Variants in ARHGEF10L observed in about 807,000 individuals in gnomAD.
ARHGEF10L encodes Rho guanine nucleotide exchange factor 10 like, also known as rho guanine nucleotide exchange factor 10-like protein.
A neutral mutation model predicts 141.2 loss-of-function variants in ARHGEF10L; 69 were observed. That is an observed-to-expected ratio of 0.49 (90% confidence interval 0.40 to 0.60). The LOEUF (loss-of-function observed/expected upper bound fraction) is 0.60. Ranked by LOEUF, ARHGEF10L falls within the 20% of genes least tolerant of loss-of-function variation. ARHGEF10L has a pLI of 0.00. For synonymous variants in ARHGEF10L, 711 were observed against 718.5 expected, an observed-to-expected ratio of 0.99 and a Z score of 0.17; for missense variants, 1,482 against 1,734.3, an observed-to-expected ratio of 0.85 and a Z score of 2.58.
At chr1:17,695,600 G>C (rs1264404934) in intron 28 of ARHGEF10L, among the ~76,000 whole-genome samples, 1 of 152,226 alleles carries the variant, frequency 6.6e-6, no homozygotes, top group African/African-American at 2.4e-5. Flanking sequence ...AGATGTCCAG[G>C]CTCCAGAGAA....
chr1:17,573,957 C>G lies in ARHGEF10L; in HGVS notation c.-43-6596C>G, dbSNP rs1187421232. On this transcript the variant is annotated intron_variant, in intron 1 of 28. Coordinates refer to ENST00000361221, the MANE Select transcript of ARHGEF10L (RefSeq NM_018125.4). The surrounding 1 kb of genome is among the most constrained non-coding windows in gnomAD (Gnocchi z 4.8). ...GCCCCCTTCTCAGAGCTCCCCTCCC[C>G]CTCCCTGGTGAAGAGGAAAGGAAGT... Among the ~76,000 whole-genome samples the G allele has an allele frequency of 2.0e-5, 3 of 152,176 alleles. No individual in the cohort carries two copies. The highest frequency in any genetic ancestry group is 6.5e-5 in the Admixed American group (1 of 15,284).
At chr1:17,526,692 C>T in the ARHGEF10L span, among the ~76,000 whole-genome samples, 1 of 152,036 alleles carries the variant, frequency 6.6e-6, no homozygotes, top group Non-Finnish European at 1.5e-5. Context: ...TTGCTTGAGC[C>T]CAGGAGTTTG....
At chr1:17,531,940 G>A in the ARHGEF10L span, among the ~76,000 whole-genome samples, 1 of 152,174 alleles carries the variant, frequency 6.6e-6, no homozygotes, top group Non-Finnish European at 1.5e-5. Context: ...CTGGTGCCAG[G>A]CTGCAGCCAT....
chr1:17,683,630 G>A (rs1466927680), intron 26 of ARHGEF10L, among the ~76,000 whole-genome samples: 2 of 152,132 alleles, frequency 1.3e-5, no homozygotes. Flanking sequence ...CTGGGGCTGG[G>A]GCTAGGGCTG....
intron 7 of ARHGEF10L, among the ~76,000 whole-genome samples, chr1:17,608,934 C>T (rs2059398930): frequency 6.6e-6 from 1 of 152,142 alleles, no homozygotes; most frequent in Non-Finnish European, 1.5e-5. Flanking sequence ...CAGGCGTGCA[C>T]CATCATGCCT....
the ARHGEF10L span, among the ~76,000 whole-genome samples, chr1:17,531,925 T>C: frequency 6.6e-6 from 1 of 152,186 alleles, no homozygotes; most frequent in Non-Finnish European, 1.5e-5. Flanking sequence ...TGAAGGTTTC[T>C]GGGGCTGGTG....
intron 2 of ARHGEF10L, among the ~76,000 whole-genome samples, chr1:17,583,059 G>GA (rs34079639): frequency 0.56 from 78,568 of 139,664 alleles, 22,264 homozygotes; most frequent in African/African-American, 0.71. Flanking sequence ...TACAAAAAAT[G>GA]AAAAAAAAAA....
intron 18 of ARHGEF10L, among the ~76,000 whole-genome samples, chr1:17,636,069 C>G (rs1213186600): frequency 1.3e-5 from 2 of 152,196 alleles, no homozygotes; most frequent in African/African-American, 4.8e-5. Flanking sequence ...TCCTCTGCCC[C>G]ACGTGCCTTC....
At chr1:17,582,842 G>C (rs1338592671) in intron 2 of ARHGEF10L, among the ~76,000 whole-genome samples, 2 of 152,114 alleles carry the variant, frequency 1.3e-5, no homozygotes, top group Non-Finnish European at 2.9e-5. Flanking sequence ...CCAGGACTGT[G>C]TCTTACCTTT....
At chr1:17,665,411 T>C (rs1471541391) in intron 26 of ARHGEF10L, among the ~76,000 whole-genome samples, 3 of 152,054 alleles carry the variant, frequency 2.0e-5, no homozygotes, top group Non-Finnish European at 4.4e-5. Context: ...GGGCTCCAGA[T>C]GACACAACTC....
rs866844841 is a variant in ARHGEF10L at position 17,632,335 on chromosome 1, C to T, written c.1599C>T (p.Gly533=). The T allele has an allele frequency of 1.2e-6, 2 of 1,613,952 alleles. No individual in the cohort carries two copies. The highest frequency in any genetic ancestry group is 1.3e-5 in the African/African-American group (1 of 74,948). The change falls in exon 16 of 29, where the codon GGC becomes GGT. Residue 533 remains glycine (G), a synonymous_variant. Transcript: ENST00000361221. ...RSSLNKLLTS[G]QRQLLLCETL... is the part of the protein sequence containing the mutation. ...CCCTCCTCCAGCTGTTGACCTCAGG[C>T]CAGCGGCAGCTGCTCCTGTGTGAGA...
chr1:17,596,876 A>C (rs376170824), intron 4 of ARHGEF10L, among the ~76,000 whole-genome samples: 1 of 152,086 alleles, frequency 6.6e-6, no homozygotes, highest in East Asian at 1.9e-4. Flanking sequence ...ACATGATGAA[A>C]CCCTGTCTCA....
chr1:17,602,228 C>G lies in ARHGEF10L; in HGVS notation c.349+10C>G, dbSNP rs898429978. On this transcript the variant is annotated intron_variant, in intron 5 of 28. Coordinates refer to ENST00000361221, the MANE Select transcript of ARHGEF10L (RefSeq NM_018125.4). ...AAGAGTTCCCGTCGCAGTAAGTCTCCCCTCCGGCCCACCGCCCACCCCAGG... is the reference window on the plus strand; with the variant it reads ...AAGAGTTCCCGTCGCAGTAAGTCTCGCCTCCGGCCCACCGCCCACCCCAGG... 6.4e-7 allele frequency: 1 copy of G among 1,558,384 alleles called. No homozygotes were observed. The highest frequency in any genetic ancestry group is 1.4e-5 in the African/African-American group (1 of 73,332).
intron 9 of ARHGEF10L, 111 bp downstream of exon 9, chr1:17,616,313 C>A: frequency 3.4e-6 from 3 of 886,392 alleles, no homozygotes; most frequent in South Asian, 1.6e-5. Flanking sequence ...TACCACTTGG[C>A]GTATGGTTCC....
intron 27 of ARHGEF10L, chr1:17,689,718 C>T (rs985291530): frequency 2.2e-6 from 1 of 452,434 alleles, no homozygotes; most frequent in Non-Finnish European, 4.4e-6. Flanking sequence ...ACAAAACTAT[C>T]TCCACATTTC....
chr1:17,546,335 C>T (rs967819696), intron 1 of ARHGEF10L, among the ~76,000 whole-genome samples: 1 of 152,244 alleles, frequency 6.6e-6, no homozygotes, highest in Non-Finnish European at 1.5e-5. Context: ...AAAGCTGCTT[C>T]TGTCCTTCAT....
chr1:17,524,911 G>A, the ARHGEF10L span, among the ~76,000 whole-genome samples: 1 of 152,216 alleles, frequency 6.6e-6, no homozygotes, highest in African/African-American at 2.4e-5. Context: ...AGGTCTGAGG[G>A]AGGTGGCCTG....
intron 1 of ARHGEF10L, among the ~76,000 whole-genome samples, chr1:17,569,407 G>A (rs1179046542): frequency 6.6e-6 from 1 of 152,166 alleles, no homozygotes; most frequent in Admixed American, 6.5e-5. Context: ...GGGGGTCCTG[G>A]GGCTCCATGC....
intron 25 of ARHGEF10L, among the ~76,000 whole-genome samples, chr1:17,659,487 C>T (rs2102085041): frequency 6.6e-6 from 1 of 152,310 alleles, no homozygotes; most frequent in African/African-American, 2.4e-5. Context: ...CAGCTTGGCC[C>T]TCATCCAGAT....
Sources: gnomAD v4.1 joint callset for allele counts (sites outside exome capture counted in the v4.1 genomes callset) on GRCh38, gnomAD v4.1.1 for gene constraint, Gnocchi (gnomAD v3.1) non-coding constraint, MANE v1.5 for transcripts, NCBI Gene and HGNC (gene_info 2026-07-23, HGNC 2026-07-21) for gene names.